APBB2: variants seen among roughly 807,000 people sequenced by gnomAD.
The protein encoded by APBB2 is Fe65-like 1.
APBB2 carries 38 observed loss-of-function variants against 82.5 expected under a neutral mutation model. That is an observed-to-expected ratio of 0.46 (90% CI 0.36 to 0.60). APBB2 has a LOEUF of 0.60. Ranked by LOEUF, APBB2 falls within the 20% of genes least tolerant of loss-of-function variation. The probability of loss-of-function intolerance (pLI) is 0.00; values close to 1 mark genes in which losing one functional copy is unlikely to be tolerated. For synonymous variants in APBB2, 341 were observed against 368.2 expected (o/e 0.93, Z 0.85); for missense variants, 772 against 972.3 (o/e 0.79, Z 2.74).
chr4:41,154,007 A>G (rs1190089036), intron 1 of APBB2, among the ~76,000 whole-genome samples: 1 of 152,178 alleles, frequency 6.6e-6, no homozygotes, highest in African/African-American at 2.4e-5. Context: ...TTTCCTCTAA[A>G]TAGAGGTCCA....
chr4:41,004,916 A>C (rs1305077620), intron 6 of APBB2, among the ~76,000 whole-genome samples: 2 of 152,100 alleles, frequency 1.3e-5, no homozygotes, highest in Non-Finnish European at 2.9e-5. Context: ...GAACATCAAC[A>C]AAGTCATGAT....
chr4:40,878,374 A>T (rs1456053254), intron 12 of APBB2, among the ~76,000 whole-genome samples: 1 of 152,074 alleles, frequency 6.6e-6, no homozygotes, highest in Non-Finnish European at 1.5e-5. Context: ...CAAAACAAAA[A>T]AAACAAAATA....
chr4:40,826,069 T>C lies in APBB2; in HGVS notation c.1733-99A>G. On this transcript the variant is annotated intron_variant, in intron 14 of 17. Transcript: ENST00000508593. This position sits in a 1 kb window ranked among gnomAD's most constrained non-coding sequence, Gnocchi z 4.5. ...TCATCTGAATGCTCAGGACACGCCC[T>C]GTGCCATAACGCCCTATGTTTCTGG... 1.1e-6 allele frequency: 1 copy of C among 871,212 alleles called. No individual in the cohort carries two copies. The highest frequency in any genetic ancestry group is 2.0e-6 in the Non-Finnish European group (1 of 507,312). The allele number at this position is 871,212 out of a possible 1,614,324, so 54.0% of individuals were successfully genotyped here. A position where few individuals can be genotyped will look rare whatever the true frequency, so the allele number is the denominator to read the frequency against.
At chr4:40,822,218 C>G (rs1425198330) in intron 16 of APBB2, 168 bp from the exon 17 acceptor site, 1 of 688,378 alleles carries the variant, frequency 1.5e-6, no homozygotes, top group Non-Finnish European at 2.4e-6. Flanking sequence ...GAGGCCATCA[C>G]TGCATGGCTA....
At chr4:40,883,339 C>A (rs1769229561) in intron 12 of APBB2, among the ~76,000 whole-genome samples, 2 of 152,108 alleles carry the variant, frequency 1.3e-5, no homozygotes, top group Non-Finnish European at 2.9e-5. Flanking sequence ...GTAATCCCAG[C>A]ACTTTGGGAG....
intron 10 of APBB2, among the ~76,000 whole-genome samples, chr4:40,921,204 A>G (rs890071596): frequency 3.3e-5 from 5 of 152,206 alleles, no homozygotes; most frequent in African/African-American, 7.2e-5. Flanking sequence ...GTGCCCATAC[A>G]TGCTAAATGC....
chr4:40,973,629 T>C (rs1017058805), intron 6 of APBB2, among the ~76,000 whole-genome samples: 8 of 152,196 alleles, frequency 5.3e-5, no homozygotes, highest in South Asian at 4.1e-4. Context: ...TTCCATAGTT[T>C]TGAAGGCAAA....
At chr4:41,196,016 T>C in intron 1 of APBB2, among the ~76,000 whole-genome samples, 6 of 143,230 alleles carry the variant, frequency 4.2e-5, no homozygotes, top group Non-Finnish European at 7.5e-5. Flanking sequence ...AAAAATTAGC[T>C]GGGTGTGGTG....
chr4:40,930,608 A>T (rs2154373369), intron 10 of APBB2, among the ~76,000 whole-genome samples: 1 of 152,306 alleles, frequency 6.6e-6, no homozygotes, highest in Non-Finnish European at 1.5e-5. Flanking sequence ...CCATCCTGAC[A>T]GTCTAAAAAT....
At chr4:41,040,993 G>A (rs910979584) in intron 4 of APBB2, among the ~76,000 whole-genome samples, 1 of 152,038 alleles carries the variant, frequency 6.6e-6, no homozygotes, top group Non-Finnish European at 1.5e-5. Flanking sequence ...CCATTCTCCT[G>A]CCTCAGCCTC....
At chr4:41,117,882 G>T (rs368420515) in intron 2 of APBB2, among the ~76,000 whole-genome samples, 53 of 152,228 alleles carry the variant, frequency 3.5e-4, no homozygotes, top group African/African-American at 1.2e-3. Flanking sequence ...AGTGGCAAAT[G>T]AAAAAGGACA....
chr4:41,034,535 G>A (rs1205321852), intron 4 of APBB2, among the ~76,000 whole-genome samples: 1 of 152,232 alleles, frequency 6.6e-6, no homozygotes, highest in Non-Finnish European at 1.5e-5. Context: ...ATGTTGACCA[G>A]GTTGGTCTTG....
Position 40,813,508 on chromosome 4 carries a change from G to T in APBB2, c.*2584C>A, listed in dbSNP as rs1577611799. The T allele has an allele frequency of 6.6e-6, 1 of 152,052 alleles. No individual in the cohort carries two copies. The highest frequency in any genetic ancestry group is 2.4e-5 in the African/African-American group (1 of 41,404). The allele number at this position is 152,052 out of a possible 1,614,324, so 9.4% of individuals were successfully genotyped here. A position where few individuals can be genotyped will look rare whatever the true frequency, so the allele number is the denominator to read the frequency against. On this transcript the variant is annotated 3_prime_UTR_variant, in exon 18 of 18. Coordinates refer to ENST00000508593, the MANE Select transcript of APBB2 (RefSeq NM_004307.2). ...ACTTTCATACATACTTTTTGGCCAT[G>T]GCAGAAAGTGTCTGAACATACTCTT...
At chr4:40,982,867 C>T (rs982396951) in intron 6 of APBB2, among the ~76,000 whole-genome samples, 4 of 152,138 alleles carry the variant, frequency 2.6e-5, no homozygotes, top group Non-Finnish European at 4.4e-5. Flanking sequence ...CAAACCATTC[C>T]CCCTCAACAT....
chr4:41,199,662 T>G (rs1442353807), intron 1 of APBB2, among the ~76,000 whole-genome samples: 1 of 152,146 alleles, frequency 6.6e-6, no homozygotes, highest in Non-Finnish European at 1.5e-5. Flanking sequence ...AGCTAACAGT[T>G]TAAGATTACA....
intron 4 of APBB2, among the ~76,000 whole-genome samples, chr4:41,053,242 TC>T (rs1256030299): frequency 3.3e-5 from 5 of 152,212 alleles, no homozygotes; most frequent in Non-Finnish European, 5.9e-5. Context: ...CCCTATGACT[TC>T]TAGTTTTTTT....
At chr4:40,831,077 C>T (rs756654199) in intron 12 of APBB2, among the ~76,000 whole-genome samples, 1 of 151,694 alleles carries the variant, frequency 6.6e-6, no homozygotes, top group Non-Finnish European at 1.5e-5. Flanking sequence ...CCAGACTGGT[C>T]AACAGAACAA....
At chr4:40,839,669 T>C (rs1393408715) in intron 12 of APBB2, among the ~76,000 whole-genome samples, 1 of 151,868 alleles carries the variant, frequency 6.6e-6, no homozygotes, top group African/African-American at 2.4e-5. Context: ...TTTTCTTTTT[T>C]CTTTTTTTTT....
Position 40,944,915 on chromosome 4 carries a change from T to G in APBB2, c.994A>C (p.Arg332=). 1 of 1,613,714 alleles carries G rather than the reference T, an allele frequency of 6.2e-7. No individual in the cohort carries two copies. Among genetic ancestry groups the G allele is most frequent in the Non-Finnish European group, 8.5e-7 (1 of 1,180,018 alleles). Residue 332 remains arginine, a synonymous_variant, in exon 7 of 18, where the codon AGG becomes CGG. Transcript: ENST00000508593. The part of the protein sequence containing the change: ...VSIPADLQGS[R]KGSLSSVTPS... The stretch of plus-strand genomic sequence containing the variant: ...GTTACAGAACTAAGTGACCCTTTCC[T>G]AGAACCCTGGAGATCTGCTGGGATG...
Sources: allele counts gnomAD v4.1 joint callset (sites outside exome capture counted in the v4.1 genomes callset), GRCh38; gene constraint gnomAD v4.1.1; non-coding constraint Gnocchi (gnomAD v3.1); transcripts MANE v1.5; gene names NCBI Gene and HGNC (gene_info 2026-07-23, HGNC 2026-07-21).